Variants in SHROOM3 observed in about 807,000 individuals in gnomAD.
SHROOM3 encodes the protein shroom family member 3.
A neutral mutation model predicts 138.6 loss-of-function variants in SHROOM3; 47 were observed. The observed-to-expected ratio is 0.34, with a 90% CI of 0.27 to 0.43. The LOEUF is 0.43. Among genes scored for constraint, SHROOM3 ranks in the 20% least tolerant of loss-of-function variants. The pLI is 1.00. For synonymous variants in SHROOM3, 1,062 were observed against 1,063.3 expected (o/e 1.00, Z 0.02); for missense variants, 2,491 against 2,596.5 (o/e 0.96, Z 0.88).
intron 3 of SHROOM3, among the ~76,000 whole-genome samples, chr4:76,718,260 C>T (rs1267716008): frequency 6.6e-6 from 1 of 152,082 alleles, no homozygotes; most frequent in African/African-American, 2.4e-5. Flanking sequence ...TAAGAGAGAA[C>T]GTTCTTTTGA....
rs76941969 is a variant in SHROOM3, at chr4:76,607,393, T to C, written c.323+51630T>C. On this transcript the variant is annotated intron_variant, in intron 2 of 10. Transcript: ENST00000296043. ...CAAGAGCATTGCATCTTCTCTTAAT[T>C]AGTTTGACAGATATTCATTTAAATT... 3.7e-3 allele frequency among the ~76,000 whole-genome samples: 559 copies of C among 152,328 alleles called. 7 individuals are homozygous for C. Among genetic ancestry groups the C allele is most frequent in the East Asian group, 0.024 (125 of 5,184 alleles).
chr4:76,578,653 A>G (rs1309914368), intron 2 of SHROOM3, among the ~76,000 whole-genome samples: 1 of 152,234 alleles, frequency 6.6e-6, no homozygotes, highest in African/African-American at 2.4e-5. Context: ...GGTGGGCTGG[A>G]AAGTCTGGAA....
chr4:76,543,522 A>C (rs1046790300), intron 1 of SHROOM3, among the ~76,000 whole-genome samples: 1 of 152,216 alleles, frequency 6.6e-6, no homozygotes, highest in African/African-American at 2.4e-5. Context: ...CTACAGTAAC[A>C]AACAACCCCA....
chr4:76,704,097 A>G (rs918649048), intron 2 of SHROOM3, among the ~76,000 whole-genome samples: 1 of 152,254 alleles, frequency 6.6e-6, no homozygotes, highest in Non-Finnish European at 1.5e-5. Context: ...AGAAGAAAAG[A>G]AGATCCCACA....
intron 2 of SHROOM3, among the ~76,000 whole-genome samples, chr4:76,675,436 G>A (rs1719002730): frequency 6.6e-6 from 1 of 152,166 alleles, no homozygotes; most frequent in Non-Finnish European, 1.5e-5. Flanking sequence ...AACTCCAAAG[G>A]AATGTTTATT....
rs866452742 is a variant in SHROOM3 at position 76,730,739 on chromosome 4, C to T, written c.456-65C>T. On this transcript the variant is annotated intron_variant, in intron 3 of 10. Transcript: ENST00000296043. ...TCTTCGCTTCCAAATCCACAAGTCA[C>T]ATCAGTGAGGAGACTCAGCTGAGAC... 3.0e-5 allele frequency: 48 copies of T among 1,608,342 alleles called. No homozygotes were observed. The African/African-American group carries it at 4.7e-4, about 16-fold the overall frequency.
intron 1 of SHROOM3, among the ~76,000 whole-genome samples, chr4:76,471,337 G>A (rs568990493): frequency 3.1e-4 from 46 of 150,654 alleles, no homozygotes; most frequent in African/African-American, 1.0e-3. Context: ...TTTGCCTCCC[G>A]ACTTCAAGTG....
chr4:76,441,086 G>GTTTTTTGTTTTTT (rs1553913334), intron 1 of SHROOM3, among the ~76,000 whole-genome samples: 7 of 82,182 alleles, frequency 8.5e-5, no homozygotes, highest in African/African-American at 3.3e-4. Flanking sequence ...AGTTCAATTT[G>GTTTTTTGTTTTTT]TTTTTTTTTT....
intron 2 of SHROOM3, among the ~76,000 whole-genome samples, chr4:76,607,223 T>C (rs1734640837): frequency 6.6e-6 from 1 of 152,188 alleles, no homozygotes; most frequent in African/African-American, 2.4e-5. Flanking sequence ...AGTACATATT[T>C]TGTGGTCCTT....
At chr4:76,517,884 C>T (rs1215944313) in intron 1 of SHROOM3, among the ~76,000 whole-genome samples, 2 of 152,142 alleles carry the variant, frequency 1.3e-5, no homozygotes, top group African/African-American at 2.4e-5. Flanking sequence ...AATGACCTCC[C>T]GGTAGCCTCA....
intron 2 of SHROOM3, among the ~76,000 whole-genome samples, chr4:76,642,855 G>A (rs529746546): frequency 6.6e-6 from 1 of 152,094 alleles, no homozygotes; most frequent in Non-Finnish European, 1.5e-5. Context: ...TATTTGTGGG[G>A]GAGGGGAGAT....
chr4:76,716,284 G>C, intron 3 of SHROOM3: 2 of 518,574 alleles, frequency 3.9e-6, no homozygotes, highest in Non-Finnish European at 7.7e-6. Flanking sequence ...GTACTTGTGA[G>C]GCTTTTACCA....
intron 1 of SHROOM3, among the ~76,000 whole-genome samples, chr4:76,461,733 A>G (rs1579169428): frequency 8.1e-6 from 1 of 123,312 alleles, no homozygotes; most frequent in African/African-American, 3.1e-5. Context: ...TTTGAAGGGG[A>G]AAAAAATGTT....
intron 2 of SHROOM3, among the ~76,000 whole-genome samples, chr4:76,589,801 G>T (rs1734227521): frequency 6.6e-6 from 1 of 152,218 alleles, no homozygotes; most frequent in Admixed American, 6.5e-5. Flanking sequence ...TGGAGGCACA[G>T]TCTCAGTGAC....
intron 2 of SHROOM3, among the ~76,000 whole-genome samples, chr4:76,701,293 G>T (rs1485568036): frequency 6.6e-6 from 1 of 152,120 alleles, no homozygotes; most frequent in Non-Finnish European, 1.5e-5. Context: ...CTTTAAAGAG[G>T]CTTTTGGTAT....
chr4:76,439,427 T>G (rs1448447062), intron 1 of SHROOM3, among the ~76,000 whole-genome samples: 1 of 152,232 alleles, frequency 6.6e-6, no homozygotes, highest in East Asian at 1.9e-4. Context: ...GGGATTAGAA[T>G]GCAGACATCT....
At chr4:76,581,549 G>C (rs1328557435) in intron 2 of SHROOM3, among the ~76,000 whole-genome samples, 1 of 152,152 alleles carries the variant, frequency 6.6e-6, no homozygotes, top group Admixed American at 6.5e-5. Context: ...CATCAAAATT[G>C]TTAAAGTTAC....
chr4:76,466,379 C>A (rs1432351653), intron 1 of SHROOM3, among the ~76,000 whole-genome samples: 1 of 152,140 alleles, frequency 6.6e-6, no homozygotes, highest in Non-Finnish European at 1.5e-5. Context: ...CTTTTATATT[C>A]TTTTCTAACT....
At chr4:76,724,584 T>C (rs988040708) in intron 3 of SHROOM3, among the ~76,000 whole-genome samples, 5 of 152,204 alleles carry the variant, frequency 3.3e-5, no homozygotes, top group Admixed American at 1.3e-4. Flanking sequence ...AAAATAAGTT[T>C]TCCTTCCCAG....
Sources: allele counts gnomAD v4.1 joint callset (sites outside exome capture counted in the v4.1 genomes callset), GRCh38; gene constraint gnomAD v4.1.1; transcripts MANE v1.5; gene names NCBI Gene and HGNC (gene_info 2026-07-23, HGNC 2026-07-21).